APC: variants seen among roughly 807,000 people sequenced by gnomAD.
APC encodes APC regulator of Wnt signaling pathway.
Under a neutral mutation model 247.0 loss-of-function variants are expected in APC, and 72 were observed. The ratio of observed to expected loss-of-function variants is 0.29; its 90% CI spans 0.24 to 0.35. The LOEUF is 0.35. Ranked by LOEUF, APC falls within the 10% of genes least tolerant of loss-of-function variation. The pLI, the probability that APC is intolerant of heterozygous loss-of-function variation, is 1.00. For missense variants in APC, 3,400 were observed against 3,360.7 expected, an observed-to-expected ratio of 1.01 and a Z score of -0.29; for synonymous variants, 1,254 against 1,162.5, an observed-to-expected ratio of 1.08 and a Z score of -1.60.
At chr5:112,766,025 T>C (rs2149782629) in intron 2 of APC, among the ~76,000 whole-genome samples, 1 of 152,298 alleles carries the variant, frequency 6.6e-6, no homozygotes, top group Middle Eastern at 3.4e-3. Context: ...ACTTGTTTTA[T>C]CTGAAAAATG....
chr5:112,764,895 T>A (rs2149778446), intron 2 of APC, among the ~76,000 whole-genome samples: 1 of 152,306 alleles, frequency 6.6e-6, no homozygotes, highest in Middle Eastern at 3.4e-3. Flanking sequence ...ATGGGCATAT[T>A]CAAATTCAGT....
intron 11 of APC, among the ~76,000 whole-genome samples, chr5:112,825,075 T>C (rs931947115): frequency 1.3e-5 from 2 of 152,284 alleles, no homozygotes; most frequent in Non-Finnish European, 2.9e-5. Context: ...TCCCTGAATC[T>C]CTTATCTTTT....
chr5:112,776,878 T>G (rs550384546), intron 5 of APC, among the ~76,000 whole-genome samples: 4 of 151,956 alleles, frequency 2.6e-5, no homozygotes, highest in Admixed American at 6.6e-5. Flanking sequence ...AAAAAATAAA[T>G]GACTCACTAG....
chr5:112,815,364 T>C (rs994150972), intron 8 of APC, 131 bp from the exon 9 acceptor site: 10 of 654,464 alleles, frequency 1.5e-5, no homozygotes, highest in African/African-American at 1.1e-4. Context: ...TGAACAGTTA[T>C]AATGGTCATA....
intron 1 of APC, among the ~76,000 whole-genome samples, chr5:112,716,535 A>T (rs986341460): frequency 6.6e-6 from 1 of 152,004 alleles, no homozygotes; most frequent in African/African-American, 2.4e-5. Context: ...TATTGAGTGC[A>T]GGTCTCTGTA....
rs139946212 is a variant in APC at position 112,786,015 on chromosome 5, A to T, written c.645+5112A>T. 3.2e-3 allele frequency among the ~76,000 whole-genome samples: 486 copies of T among 152,342 alleles called. 4 individuals carry two copies. Among genetic ancestry groups the T allele is most frequent in the African/African-American group, 0.011 (463 of 41,574 alleles). ...TAAATTAGAAAAATACTTATAACAC[A>T]TAAAGGGGAAAATGGTAATATCTCT... On this transcript the variant is annotated intron_variant, in intron 6 of 15. Coordinates refer to ENST00000257430, the MANE Select transcript of APC (RefSeq NM_000038.6).
chr5:112,755,874 C>T (rs1465842207), intron 2 of APC, among the ~76,000 whole-genome samples: 1 of 151,112 alleles, frequency 6.6e-6, no homozygotes, highest in African/African-American at 2.4e-5. Context: ...CTTAGTGAGG[C>T]AGAGGCAGGA....
chr5:112,845,604 G>T lies in APC; in HGVS notation c.*1478G>T, dbSNP rs1420194578. On this transcript the variant is annotated 3_prime_UTR_variant, in exon 16 of 16. Coordinates refer to ENST00000257430, the MANE Select transcript of APC (RefSeq NM_000038.6). ...TTTAATACGATTAAGATATTCAGAAGTATATTTTAGAATCCCTGCCTGTTA... is the reference window on the plus strand; with the variant it reads ...TTTAATACGATTAAGATATTCAGAATTATATTTTAGAATCCCTGCCTGTTA... 4.3e-6 allele frequency: 1 copy of T among 232,454 alleles called. No individual in the cohort carries two copies. The highest frequency in any genetic ancestry group is 6.1e-5 in the East Asian group (1 of 16,396). 14.4% of individuals were successfully genotyped at this position (232,454 alleles called of 1,614,324 possible). A position where few individuals can be genotyped will look rare whatever the true frequency, so the allele number is the denominator to read the frequency against.
Position 112,738,893 on chromosome 5 carries a change from C to T in APC, c.-19+968C>T, listed in dbSNP as rs149097203. 0.012 allele frequency among the ~76,000 whole-genome samples: 1,761 copies of T among 152,282 alleles called. 24 individuals are homozygous for T. The highest frequency in any genetic ancestry group is 0.013 in the Non-Finnish European group (904 of 68,034). On this transcript the variant is annotated intron_variant, in intron 1 of 15. Transcript: ENST00000257430. ...TCTTTGATTTAACATAAATCCTATA[C>T]GAAATCTTAATAAATTATGTATGAA...
At chr5:112,786,906 GA>G (rs1759021153) in intron 6 of APC, among the ~76,000 whole-genome samples, 1 of 91,304 alleles carries the variant, frequency 1.1e-5, no homozygotes, top group African/African-American at 6.7e-5. Context: ...TTTTTTTTTT[GA>G]GTCAGAGTCT....
At chr5:112,786,776 C>T (rs1758997431) in intron 6 of APC, among the ~76,000 whole-genome samples, 1 of 151,966 alleles carries the variant, frequency 6.6e-6, no homozygotes, top group Admixed American at 6.6e-5. Context: ...AAGAGTTTCT[C>T]TAGGTGAGGA....
rs183441187 is a variant in APC at position 112,808,927 on chromosome 5, G to A, written c.835-6568G>A. Among the ~76,000 whole-genome samples the A allele has an allele frequency of 4.4e-3, 668 of 152,290 alleles. 3 individuals carry two copies. Among genetic ancestry groups the A allele is most frequent in the Middle Eastern group, 0.01 (3 of 294 alleles). On this transcript the variant is annotated intron_variant, in intron 8 of 15. Transcript: ENST00000257430. Reference sequence around the variant, plus strand: ...GAGAATTACTCGCAGGTTTCTGTTAGGCAGCTAGAAGGGTAGTGATGCAAT... The same window carrying A: ...GAGAATTACTCGCAGGTTTCTGTTAAGCAGCTAGAAGGGTAGTGATGCAAT...
At chr5:112,760,030 C>G (rs1016093347) in intron 2 of APC, among the ~76,000 whole-genome samples, 1 of 152,086 alleles carries the variant, frequency 6.6e-6, no homozygotes, top group Non-Finnish European at 1.5e-5. Flanking sequence ...TCATCAAGCT[C>G]TTTATTAACT....
intron 1 of APC, among the ~76,000 whole-genome samples, chr5:112,717,562 A>T (rs1358052785): frequency 1.3e-5 from 2 of 152,144 alleles, no homozygotes; most frequent in East Asian, 3.9e-4. Flanking sequence ...TAGGTACAGA[A>T]TTCTAGGTTA....
chr5:112,791,702 C>T (rs987828776), intron 6 of APC, among the ~76,000 whole-genome samples: 1 of 152,210 alleles, frequency 6.6e-6, no homozygotes, highest in Admixed American at 6.5e-5. Flanking sequence ...GATGTTCTTT[C>T]CCTTTACTGG....
intron 1 of APC, among the ~76,000 whole-genome samples, chr5:112,718,608 A>C (rs1233494422): frequency 6.6e-6 from 1 of 152,258 alleles, no homozygotes; most frequent in African/African-American, 2.4e-5. Context: ...TGGCAAACTC[A>C]CAAAAGGCAA....
At chr5:112,707,889 G>A (rs1314835283) in intron 1 of APC, 2 of 1,366,926 alleles carry the variant, frequency 1.5e-6, no homozygotes, top group Non-Finnish European at 1.9e-6. Flanking sequence ...GCAGGTGAGT[G>A]AGGCTGCAGG....
At chr5:112,710,921 C>G (rs1293614975) in intron 1 of APC, among the ~76,000 whole-genome samples, 1 of 152,252 alleles carries the variant, frequency 6.6e-6, no homozygotes, top group Non-Finnish European at 1.5e-5. Flanking sequence ...AGAGTTCTTA[C>G]TAAATGCTTC....
chr5:112,828,130 G>A, intron 13 of APC, 124 bp downstream of exon 13: 1 of 803,494 alleles, frequency 1.2e-6, no homozygotes, highest in Non-Finnish European at 2.1e-6. Flanking sequence ...CTGCCTCCAG[G>A]GTTCAAGCAA....
Sources: allele counts gnomAD v4.1 joint callset (sites outside exome capture counted in the v4.1 genomes callset), GRCh38; gene constraint gnomAD v4.1.1; transcripts MANE v1.5; gene names NCBI Gene and HGNC (gene_info 2026-07-23, HGNC 2026-07-21).